RORA: variants seen among roughly 807,000 people sequenced by gnomAD.
RORA encodes nuclear receptor ROR-alpha.
A neutral mutation model predicts 69.5 loss-of-function variants in RORA; 7 were observed. The ratio of observed to expected loss-of-function variants is 0.10; its 90% CI spans 0.06 to 0.19. The LOEUF is 0.19. RORA is among the 10% of genes least tolerant of loss of function. The probability of loss-of-function intolerance (pLI) is 1.00; values close to 1 mark genes in which losing one functional copy is unlikely to be tolerated. For missense variants in RORA, 457 were observed against 663.0 expected (o/e 0.69, Z 3.41); for synonymous variants, 261 against 240.8 (o/e 1.08, Z -0.78).
At position 60,492,013 on chromosome 15, in the gene RORA, T is replaced by C. The variant is rs1490714441; in HGVS notation, c.*5442A>G. ...TATAAGAAGTGGCAATCACATGTTA[T>C]GTAAAAATGTCAACGTGTGTGTGTA... On this transcript the variant is annotated 3_prime_UTR_variant, in exon 11 of 11. Coordinates refer to ENST00000335670, the MANE Select transcript of RORA (RefSeq NM_134261.3). 3 of 7,038 alleles carry C rather than the reference T, an allele frequency of 4.3e-4. No homozygotes were observed. The highest frequency in any genetic ancestry group is 4.5e-4 in the African/African-American group (3 of 6,678). The allele number at this position is 7,038 out of a possible 1,614,324, so 0.4% of individuals were successfully genotyped here.
intron 2 of RORA, among the ~76,000 whole-genome samples, chr15:60,541,260 G>A (rs1297262722): frequency 6.6e-6 from 1 of 152,090 alleles, no homozygotes; most frequent in African/African-American, 2.4e-5. Context: ...CAAAAAATAT[G>A]GCAAGTTCTA....
chr15:60,924,755 T>C (rs1462620009), intron 1 of RORA, among the ~76,000 whole-genome samples: 3 of 152,136 alleles, frequency 2.0e-5, no homozygotes, highest in Non-Finnish European at 4.4e-5. Flanking sequence ...GAGTGATTAT[T>C]GATAGGACAC....
At chr15:60,516,177 ATATATATT>A (rs1330467402) in intron 3 of RORA, among the ~76,000 whole-genome samples, 1 of 26,734 alleles carries the variant, frequency 3.7e-5, no homozygotes, top group East Asian at 1.3e-3. Context: ...ATATATTTAT[ATATATATT>A]TATATATATA....
intron 1 of RORA, among the ~76,000 whole-genome samples, chr15:60,999,142 C>CT (rs2140378527): frequency 6.6e-6 from 1 of 152,296 alleles, no homozygotes; most frequent in African/African-American, 2.4e-5. Flanking sequence ...CAGTGGAATT[C>CT]TTTTTGAAAT....
chr15:60,776,236 T>A (rs2072165481), intron 1 of RORA, among the ~76,000 whole-genome samples: 1 of 152,210 alleles, frequency 6.6e-6, no homozygotes, highest in Non-Finnish European at 1.5e-5. Flanking sequence ...TCCCCGCCAC[T>A]CTTATTAGAC....
chr15:60,567,691 G>C (rs1355600453), intron 2 of RORA, among the ~76,000 whole-genome samples: 1 of 152,118 alleles, frequency 6.6e-6, no homozygotes, highest in African/African-American at 2.4e-5. Context: ...GATTACAGGT[G>C]TGAGCCACCA....
chr15:60,639,005 AC>A (rs2069889897), intron 2 of RORA, among the ~76,000 whole-genome samples: 1 of 152,072 alleles, frequency 6.6e-6, no homozygotes, highest in Non-Finnish European at 1.5e-5. Context: ...CGGGCAATAT[AC>A]TATATCTGCG....
chr15:60,540,191 C>A (rs2066816806), intron 2 of RORA, among the ~76,000 whole-genome samples: 1 of 152,164 alleles, frequency 6.6e-6, no homozygotes, highest in African/African-American at 2.4e-5. Flanking sequence ...ACTCTAGATA[C>A]CAATTCCTTT....
intron 1 of RORA, among the ~76,000 whole-genome samples, chr15:61,119,384 T>C (rs568369424): frequency 0.14 from 5,926 of 40,878 alleles, 398 homozygotes; most frequent in African/African-American, 0.23. Context: ...TTTTTTTTTG[T>C]ATATGTATAT....
At chr15:60,915,402 GC>G (rs36046675) in intron 1 of RORA, among the ~76,000 whole-genome samples, 2 of 152,192 alleles carry the variant, frequency 1.3e-5, no homozygotes, top group African/African-American at 4.8e-5. Context: ...GGGGGCACAG[GC>G]CCCAGTGCAG....
chr15:61,005,142 T>C (rs903683767), intron 1 of RORA, among the ~76,000 whole-genome samples: 4 of 152,190 alleles, frequency 2.6e-5, no homozygotes, highest in South Asian at 2.1e-4. Flanking sequence ...AATAGGATGA[T>C]TGGTTAAGTC....
At chr15:60,920,447 T>A (rs930280869) in intron 1 of RORA, among the ~76,000 whole-genome samples, 4 of 152,178 alleles carry the variant, frequency 2.6e-5, no homozygotes, top group South Asian at 2.1e-4. Context: ...ATCACCCACA[T>A]CCTCAGACCA....
chr15:60,793,168 G>C (rs2072442076), intron 1 of RORA, among the ~76,000 whole-genome samples: 1 of 152,144 alleles, frequency 6.6e-6, no homozygotes, highest in Admixed American at 6.5e-5. Flanking sequence ...GATCTCAAAA[G>C]TTCCTTTTGG....
chr15:60,878,101 C>T (rs924075905), intron 1 of RORA, among the ~76,000 whole-genome samples: 4 of 144,212 alleles, frequency 2.8e-5, no homozygotes, highest in Non-Finnish European at 3.0e-5. Context: ...CCGAGGTGGG[C>T]GGATCACGAG....
At chr15:61,030,127 G>A (rs1896074729) in intron 1 of RORA, among the ~76,000 whole-genome samples, 1 of 152,130 alleles carries the variant, frequency 6.6e-6, no homozygotes, top group Non-Finnish European at 1.5e-5. Context: ...CAAGGTTATG[G>A]AAGTCAAGGA....
At chr15:60,713,287 A>G (rs1328886907) in intron 1 of RORA, among the ~76,000 whole-genome samples, 2 of 152,114 alleles carry the variant, frequency 1.3e-5, no homozygotes, top group Non-Finnish European at 2.9e-5. Flanking sequence ...TGAAGAGGTC[A>G]CTTGGTTTGA....
At chr15:60,553,844 T>G (rs2067287437) in intron 2 of RORA, among the ~76,000 whole-genome samples, 1 of 152,192 alleles carries the variant, frequency 6.6e-6, no homozygotes, top group African/African-American at 2.4e-5. Flanking sequence ...ATATGGCCCC[T>G]AGAAGCCTCA....
intron 1 of RORA, among the ~76,000 whole-genome samples, chr15:61,160,320 T>C (rs1290290641): frequency 6.6e-6 from 1 of 152,224 alleles, no homozygotes; most frequent in Admixed American, 6.5e-5. Context: ...TACAGTAGTA[T>C]ACGTAAAGTA....
intron 1 of RORA, among the ~76,000 whole-genome samples, chr15:60,721,444 T>A (rs1324067009): frequency 6.6e-6 from 1 of 152,224 alleles, no homozygotes; most frequent in Non-Finnish European, 1.5e-5. Flanking sequence ...TCCATTACAA[T>A]AATATTCTTA....
Sources: allele counts gnomAD v4.1 joint callset (sites outside exome capture counted in the v4.1 genomes callset), GRCh38; gene constraint gnomAD v4.1.1; transcripts MANE v1.5; gene names NCBI Gene and HGNC (gene_info 2026-07-23, HGNC 2026-07-21).